Variants in PLEKHA8 observed in about 807,000 individuals in gnomAD.
The protein encoded by PLEKHA8 is pleckstrin homology domain-containing family A member 8.
Under a neutral mutation model 68.2 loss-of-function variants are expected in PLEKHA8, and 36 were observed. The ratio of observed to expected loss-of-function variants is 0.53; its 90% CI spans 0.40 to 0.70. The LOEUF is 0.70. PLEKHA8 is among the 30% of genes least tolerant of loss of function. The pLI, the probability that PLEKHA8 is intolerant of heterozygous loss-of-function variation, is 0.00. For missense variants in PLEKHA8, 505 were observed against 615.4 expected (o/e 0.82, Z 1.90); for synonymous variants, 211 against 216.1 (o/e 0.98, Z 0.20).
At position 30,115,901 on chromosome 7, in the gene PLEKHA8, T is replaced by C. The variant is rs551857743; in HGVS notation, c.1363-13365T>C. 264 of 141,424 alleles carry C rather than the reference T, an allele frequency of 1.9e-3. 30 individuals carry two copies. The highest frequency in any genetic ancestry group is 6.8e-3 in the African/African-American group (256 of 37,758). 8.8% of individuals were successfully genotyped at this position (141,424 alleles called of 1,614,324 possible). A position where few individuals can be genotyped will look rare whatever the true frequency, so the allele number is the denominator to read the frequency against. The stretch of plus-strand genomic sequence containing the variant: ...GCACGCATACATGCGTATACATGCA[T>C]GTATACATGCATGCGTGCGTGTACA... On this transcript the variant is annotated intron_variant, in intron 13 of 13. Coordinates refer to the PLEKHA8 transcript ENST00000396257.
At chr7:30,049,966 C>G (rs1792277550) in intron 5 of PLEKHA8, among the ~76,000 whole-genome samples, 1 of 152,226 alleles carries the variant, frequency 6.6e-6, no homozygotes, top group Non-Finnish European at 1.5e-5. Context: ...CCCTGAATCA[C>G]TAGATTGGTC....
At chr7:30,047,303 T>C (rs1792036361) in intron 3 of PLEKHA8, among the ~76,000 whole-genome samples, 2 of 152,138 alleles carry the variant, frequency 1.3e-5, no homozygotes, top group African/African-American at 2.4e-5. Flanking sequence ...GCATTGCTAA[T>C]AATAATGGCT....
At chr7:30,056,779 GTGTGTGTATATA>G (rs2127984233) in intron 9 of PLEKHA8, among the ~76,000 whole-genome samples, 1 of 101,396 alleles carries the variant, frequency 9.9e-6, no homozygotes, top group East Asian at 2.3e-4. Context: ...GTGTGTGTGT[GTGTGTGTATATA>G]TATATGTTAT....
chr7:30,090,710 G>T (rs1795381603), exon 13 of PLEKHA8: 1 of 680,624 alleles, frequency 1.5e-6, no homozygotes, highest in South Asian at 6.8e-5. Flanking sequence ...AAATTTTTTG[G>T]TAATCTTTTA....
At position 30,078,892 on chromosome 7, in the gene PLEKHA8, C is replaced by T. The variant is rs1109208; in HGVS notation, c.*105C>T. Reference sequence around the variant, plus strand: ...CCTCAACCCTCTCCAACCCCTTCACCTGGGGGGATGGACAGGAGGTGGCAA... The same window carrying T: ...CCTCAACCCTCTCCAACCCCTTCACTTGGGGGGATGGACAGGAGGTGGCAA... On this transcript the variant is annotated 3_prime_UTR_variant, in exon 14 of 14. Coordinates refer to ENST00000449726, the MANE Select transcript of PLEKHA8 (RefSeq NM_001197026.2). The T allele has an allele frequency of 0.16, 235,217 of 1,462,294 alleles. 19,471 individuals are homozygous for T. Among genetic ancestry groups the T allele is most frequent in the African/African-American group, 0.24 (16,820 of 70,386 alleles). 90.6% of individuals were successfully genotyped at this position (1,462,294 alleles called of 1,614,324 possible).
intron 13 of PLEKHA8, among the ~76,000 whole-genome samples, chr7:30,106,326 A>C (rs1238888885): frequency 1.3e-5 from 2 of 152,148 alleles, no homozygotes; most frequent in Non-Finnish European, 2.9e-5. Context: ...GCTTTCCAAA[A>C]GTGCTCGGAT....
downstream of PLEKHA8, among the ~76,000 whole-genome samples, chr7:30,093,949 T>A (rs1795509278): frequency 1.3e-5 from 2 of 152,208 alleles, no homozygotes; most frequent in Admixed American, 1.3e-4. Flanking sequence ...TCCTAGTCAG[T>A]GAGACTGAGA....
intron 9 of PLEKHA8, among the ~76,000 whole-genome samples, chr7:30,055,716 A>G (rs1792793058): frequency 6.6e-6 from 1 of 152,152 alleles, no homozygotes; most frequent in Non-Finnish European, 1.5e-5. Context: ...CCCAGGCTGG[A>G]GTGCAGTGGC....
At chr7:30,097,775 C>A (rs990224507) in intron 13 of PLEKHA8, among the ~76,000 whole-genome samples, 12 of 152,316 alleles carry the variant, frequency 7.9e-5, no homozygotes, top group African/African-American at 2.9e-4. Context: ...GTTCGAACTT[C>A]TTCCTTTAGC....
chr7:30,098,275 G>A (rs1226836465), intron 13 of PLEKHA8, among the ~76,000 whole-genome samples: 3 of 152,230 alleles, frequency 2.0e-5, no homozygotes, highest in South Asian at 2.1e-4. Context: ...CGGGGGTCAG[G>A]GACCCACTTG....
intron 1 of PLEKHA8, among the ~76,000 whole-genome samples, chr7:30,042,015 T>C (rs747004454): frequency 2.6e-5 from 4 of 152,228 alleles, no homozygotes; most frequent in Admixed American, 6.5e-5. Flanking sequence ...TTTGAATCAA[T>C]AGACCTTATA....
At chr7:30,076,082 T>C (rs1220962377) in intron 13 of PLEKHA8, among the ~76,000 whole-genome samples, 1 of 151,998 alleles carries the variant, frequency 6.6e-6, no homozygotes, top group South Asian at 2.1e-4. Flanking sequence ...TGTTTATACA[T>C]GCATATAGTA....
At position 30,047,935 on chromosome 7, in the gene PLEKHA8, A is replaced by G. The variant is rs748363539; in HGVS notation, c.417A>G (p.Thr139=). 2.5e-6 allele frequency: 4 copies of G among 1,579,768 alleles called. No individual in the cohort carries two copies. Among genetic ancestry groups the G allele is most frequent in the Non-Finnish European group, 1.7e-6 (2 of 1,159,654 alleles). ...QQVDKTKEVT[T]TGVSNSEEGI... ...TAGATAAAACAAAAGAAGTGACCACAACTGGTGTGTCCAATTCTGAGGTAA... is the reference window on the plus strand; with the variant it reads ...TAGATAAAACAAAAGAAGTGACCACGACTGGTGTGTCCAATTCTGAGGTAA... Residue 139 remains threonine (T), a synonymous_variant, in exon 4 of 14, where the codon ACA becomes ACG. Transcript: ENST00000449726.
rs757873824 is a variant in PLEKHA8, at chr7:30,047,837, GCTGAAAACA to G, written c.328_336del (p.Thr110_Asn112del). The G allele has an allele frequency of 3.7e-6, 6 of 1,609,058 alleles. No individual in the cohort carries two copies. The highest frequency in any genetic ancestry group is 5.1e-6 in the Non-Finnish European group (6 of 1,177,426). Reference sequence around the variant, plus strand: ...ATCATCATTTTGTCATTTAGAGTTTGCTGAAAACACTGAAAACTTGAAAACCAAAATGTC... The same window carrying G: ...ATCATCATTTTGTCATTTAGAGTTTGCTGAAAACTTGAAAACCAAAATGTC... On this transcript the variant is annotated inframe_deletion, in exon 4 of 14. Coordinates refer to ENST00000449726, the MANE Select transcript of PLEKHA8 (RefSeq NM_001197026.2).
chr7:30,117,309 G>A (rs567474982), intron 13 of PLEKHA8, among the ~76,000 whole-genome samples: 8 of 152,320 alleles, frequency 5.3e-5, no homozygotes, highest in African/African-American at 1.9e-4. Context: ...TTGGCCAAAT[G>A]AATTTGAGTT....
At chr7:30,042,987 G>C (rs1791656790) in intron 1 of PLEKHA8, among the ~76,000 whole-genome samples, 2 of 140,788 alleles carry the variant, frequency 1.4e-5, no homozygotes, top group East Asian at 3.9e-4. Flanking sequence ...TTGAAGCCAA[G>C]GTCTAGAAGC....
intron 13 of PLEKHA8, among the ~76,000 whole-genome samples, chr7:30,078,162 A>G (rs1160700631): frequency 6.6e-6 from 1 of 152,184 alleles, no homozygotes; most frequent in African/African-American, 2.4e-5. Context: ...AAAGAAATAT[A>G]TAGAGATGAG....
At position 30,082,619 on chromosome 7, in the gene PLEKHA8, G is replaced by A. The variant is rs2128000883; in HGVS notation, c.*3832G>A. On this transcript the variant is annotated 3_prime_UTR_variant, in exon 14 of 14. Coordinates refer to ENST00000449726, the MANE Select transcript of PLEKHA8 (RefSeq NM_001197026.2). ...TACTTTCCAAATATATTAACAAAAA[G>A]TTGATGCTTTTAACTTTATATTTTC... 1.0e-6 allele frequency: 1 copy of A among 984,992 alleles called. No individual in the cohort carries two copies. The highest frequency in any genetic ancestry group is 1.2e-6 in the Non-Finnish European group (1 of 829,548). The allele number at this position is 984,992 out of a possible 1,614,324, so 61.0% of individuals were successfully genotyped here.
At chr7:30,063,592 ACCTCCTTCTGTTAGT>A (rs1270961043) in intron 12 of PLEKHA8, among the ~76,000 whole-genome samples, 1 of 151,642 alleles carries the variant, frequency 6.6e-6, no homozygotes, top group African/African-American at 2.4e-5. Flanking sequence ...GTTGGGTTCT[ACCTCCTTCTGTTAGT>A]CCTCTCTCTG....
Sources: gnomAD v4.1 joint callset for allele counts (sites outside exome capture counted in the v4.1 genomes callset) on GRCh38, gnomAD v4.1.1 for gene constraint, MANE v1.5 for transcripts, NCBI Gene and HGNC (gene_info 2026-07-23, HGNC 2026-07-21) for gene names.